Variants in PATL1 observed in about 807,000 individuals in gnomAD.
PATL1 encodes the protein protein PAT1 homolog 1.
Under a neutral mutation model 100.6 loss-of-function variants are expected in PATL1, and 32 were observed. That is an observed-to-expected ratio of 0.32 (90% CI 0.24 to 0.43). PATL1 has a LOEUF of 0.43. Among genes scored for constraint, PATL1 ranks in the 20% least tolerant of loss-of-function variants. The pLI, the probability that PATL1 is intolerant of heterozygous loss-of-function variation, is 1.00. For missense variants in PATL1, 747 were observed against 949.9 expected (o/e 0.79, Z 2.81); for synonymous variants, 332 against 330.0 (o/e 1.01, Z -0.07).
In PATL1 at chr11:59,642,861, G is replaced by T; in HGVS notation, c.2049+19C>A. On this transcript the variant is annotated intron_variant, in intron 16 of 18. Transcript: ENST00000300146. ...TAAGACATTTCACAAAGTTCAAGGA[G>T]TTAAAAGGGCAAGATCACCTTGTTC... 1 of 1,604,838 alleles carries T rather than the reference G, an allele frequency of 6.2e-7. No individual in the cohort carries two copies. The highest frequency in any genetic ancestry group is 8.5e-7 in the Non-Finnish European group (1 of 1,174,988).
chr11:59,666,136 C>G (rs1415699506), intron 2 of PATL1, among the ~76,000 whole-genome samples: 2 of 152,222 alleles, frequency 1.3e-5, no homozygotes, highest in East Asian at 3.9e-4. Context: ...ATCCCGGCTA[C>G]TCGGGAGCCT....
intron 3 of PATL1, 22 bp downstream of exon 3, chr11:59,659,230 C>G: frequency 6.5e-7 from 1 of 1,546,706 alleles, no homozygotes; most frequent in Non-Finnish European, 8.8e-7. Context: ...CTATAGTTCT[C>G]AAATCACAGT....
chr11:59,652,793 T>C, intron 10 of PATL1, 45 bp downstream of exon 10: 3 of 1,582,588 alleles, frequency 1.9e-6, no homozygotes, highest in Non-Finnish European at 2.6e-6. Flanking sequence ...CTCACCAGTG[T>C]AGGGGACCAA....
Position 59,656,023 on chromosome 11 carries a change from G to C in PATL1, c.746C>G (p.Pro249Arg). The C allele has an allele frequency of 6.6e-7, 1 of 1,520,026 alleles. No individual in the cohort carries two copies. Among genetic ancestry groups the C allele is most frequent in the Non-Finnish European group, 8.8e-7 (1 of 1,132,916 alleles). 94.2% of individuals were successfully genotyped at this position (1,520,026 alleles called of 1,614,324 possible). Residue 249 changes from proline (P) to arginine (R), a missense_variant, in exon 7 of 19, where the codon CCT (proline) becomes CGT (arginine). Pro to Arg is a moderately radical substitution (Grantham distance 103, BLOSUM62 -2). Coordinates refer to ENST00000300146, the MANE Select transcript of PATL1 (RefSeq NM_152716.3). ...SVPNSSLLGH[P>R]FPPSVPPVLS... ...AACAGGAGGAACACTAGGAGGAAAA[G>C]GGTGACCCAGGAGGGAAGAGTTCTA...
intron 15 of PATL1, among the ~76,000 whole-genome samples, chr11:59,647,104 T>A (rs1861375348): frequency 6.6e-6 from 1 of 150,526 alleles, no homozygotes. Flanking sequence ...ATGCCTGTAG[T>A]CCCAGCTACT....
In PATL1 at chr11:59,638,366, G is replaced by A; in HGVS notation, c.*24C>T. On this transcript the variant is annotated 3_prime_UTR_variant, in exon 19 of 19. Transcript: ENST00000300146. Reference sequence around the variant, plus strand: ...CAGTGCAGGTGGCAGCCAAAAGGAGGTACAGGACACATTTGGAGATCTTTT... The same window carrying A: ...CAGTGCAGGTGGCAGCCAAAAGGAGATACAGGACACATTTGGAGATCTTTT... 4 of 1,609,640 alleles carry A rather than the reference G, an allele frequency of 2.5e-6. No individual in the cohort carries two copies. Among genetic ancestry groups the A allele is most frequent in the Non-Finnish European group, 3.4e-6 (4 of 1,176,606 alleles).
At chr11:59,643,542 C>G (rs1185493190) in intron 15 of PATL1, among the ~76,000 whole-genome samples, 1 of 151,798 alleles carries the variant, frequency 6.6e-6, no homozygotes, top group Non-Finnish European at 1.5e-5. Flanking sequence ...GACCTCATCT[C>G]TACAACAAAT....
chr11:59,652,763 C>A, intron 10 of PATL1, 75 bp downstream of exon 10: 1 of 1,506,924 alleles, frequency 6.6e-7, no homozygotes, highest in South Asian at 1.3e-5. Context: ...TTTAATTGTA[C>A]CAATATTTAA....
At chr11:59,666,992 T>C in intron 1 of PATL1, 28 bp from the exon 2 acceptor site, 1 of 1,530,598 alleles carries the variant, frequency 6.5e-7, no homozygotes, top group Non-Finnish European at 8.8e-7. Flanking sequence ...ACATTAGTTA[T>C]TCATGAAATT....
chr11:59,651,715 G>A, intron 11 of PATL1, 74 bp from the exon 12 acceptor site: 2 of 937,234 alleles, frequency 2.1e-6, no homozygotes, highest in East Asian at 2.6e-5. Context: ...GTTCAAAGAA[G>A]ATTTTTACTT....
chr11:59,663,505 T>C (rs1033718821), intron 2 of PATL1, among the ~76,000 whole-genome samples: 23 of 152,072 alleles, frequency 1.5e-4, no homozygotes, highest in African/African-American at 5.5e-4. Flanking sequence ...CTATAGTTAC[T>C]TAACCCGTCA....
intron 16 of PATL1, among the ~76,000 whole-genome samples, chr11:59,640,254 T>C (rs1384990951): frequency 2.6e-5 from 4 of 151,690 alleles, no homozygotes; most frequent in Non-Finnish European, 5.9e-5. Context: ...GGCAGGAGAA[T>C]TGTTGGAACC....
chr11:59,640,988 A>G (rs1738969908), intron 16 of PATL1, among the ~76,000 whole-genome samples: 1 of 152,116 alleles, frequency 6.6e-6, no homozygotes, highest in Admixed American at 6.5e-5. Context: ...CCTGGCCAAC[A>G]TGGCAAAACC....
At chr11:59,658,450 G>A (rs1052879293) in intron 4 of PATL1, among the ~76,000 whole-genome samples, 4 of 151,988 alleles carry the variant, frequency 2.6e-5, no homozygotes, top group African/African-American at 9.7e-5. Flanking sequence ...AGCCTCCTGA[G>A]TAGCTGGGAT....
chr11:59,639,325 T>C lies in PATL1; in HGVS notation c.2108A>G (p.Asp703Gly), dbSNP rs765287423. 1.9e-6 allele frequency: 3 copies of C among 1,551,342 alleles called. No homozygotes were observed. The highest frequency in any genetic ancestry group is 2.6e-6 in the Non-Finnish European group (3 of 1,147,128). ...ATTTTGTGTTGATTCTGTAGCAGGG[T>C]CTGAACTCTGTAGGTCTTCACCACG... ...LSRGEDLQSSDPATESTQNNQ... is the reference protein window; with the variant it reads ...LSRGEDLQSSGPATESTQNNQ... Residue 703 changes from aspartate (D) to glycine (G), a missense_variant, in exon 17 of 19, where the codon GAC (aspartate) becomes GGC (glycine). Asp to Gly is a moderately conservative substitution (Grantham distance 94, BLOSUM62 -1). Coordinates refer to ENST00000300146, the MANE Select transcript of PATL1 (RefSeq NM_152716.3).
chr11:59,654,782 A>C (rs1861501947), intron 8 of PATL1, among the ~76,000 whole-genome samples: 1 of 152,206 alleles, frequency 6.6e-6, no homozygotes, highest in Admixed American at 6.5e-5. Flanking sequence ...AACACTGTTT[A>C]GATGTTGCTG....
intron 8 of PATL1, among the ~76,000 whole-genome samples, chr11:59,654,921 CAGA>C (rs768928198): frequency 6.6e-6 from 1 of 152,194 alleles, no homozygotes; most frequent in Non-Finnish European, 1.5e-5. Context: ...TAAAGTTTCC[CAGA>C]AGAAGGAATT....
Position 59,649,547 on chromosome 11 carries a change from C to G in PATL1, c.1648G>C (p.Glu550Gln). The G allele has an allele frequency of 6.2e-7, 1 of 1,613,802 alleles. No individual in the cohort carries two copies. The change falls in exon 14 of 19, where the codon GAG becomes CAG. Residue 550 changes from glutamate to glutamine, a missense_variant. Physicochemically the swap from Glu to Gln is conservative, Grantham distance 29 (BLOSUM62 2). Coordinates refer to ENST00000300146, the MANE Select transcript of PATL1 (RefSeq NM_152716.3). ...CTGTCATCCATTAGGGCAGGTCGCT[C>G]TTCTTCCAGACTTAGGAGATAACGT... Reference protein sequence around the residue: ...ERRYLLSLEEERPALMDDRKH... With the variant: ...ERRYLLSLEEQRPALMDDRKH...
At chr11:59,667,249 T>C (rs1002483156) in intron 1 of PATL1, 2 of 265,056 alleles carry the variant, frequency 7.5e-6, no homozygotes, top group African/African-American at 2.3e-5. Flanking sequence ...CAGTTCCTCA[T>C]GCAACCAAGA....
Sources: allele counts gnomAD v4.1 joint callset (sites outside exome capture counted in the v4.1 genomes callset), GRCh38; gene constraint gnomAD v4.1.1; transcripts MANE v1.5; gene names NCBI Gene and HGNC (gene_info 2026-07-23, HGNC 2026-07-21).